ANTXR2: variants seen among roughly 807,000 people sequenced by gnomAD.
ANTXR2 encodes anthrax toxin receptor 2.
A neutral mutation model predicts 73.7 loss-of-function variants in ANTXR2; 44 were observed. That is an observed-to-expected ratio of 0.60 (90% confidence interval 0.47 to 0.77). The LOEUF is 0.77. Ranked by LOEUF, ANTXR2 falls within the 30% of genes least tolerant of loss-of-function variation. The pLI, the probability that ANTXR2 is intolerant of heterozygous loss-of-function variation, is 0.00. For missense variants in ANTXR2, 604 were observed against 592.5 expected (o/e 1.02, Z -0.20); for synonymous variants, 217 against 205.9 (o/e 1.05, Z -0.46).
intron 16 of ANTXR2, among the ~76,000 whole-genome samples, chr4:79,924,604 GTTC>G (rs1388088086): frequency 9.2e-5 from 14 of 152,222 alleles, no homozygotes; most frequent in African/African-American, 2.6e-4. Flanking sequence ...TATCAGAGTT[GTTC>G]TTCTTTTGGC....
In ANTXR2 at chr4:80,035,976, C is replaced by A. The variant is rs753430160; in HGVS notation, c.693G>T (p.Val231=). The A allele has an allele frequency of 6.5e-6, 10 of 1,543,024 alleles. No individual in the cohort carries two copies. The highest frequency in any genetic ancestry group is 8.7e-6 in the Non-Finnish European group (10 of 1,144,962). ...TTTTAAATTCTAAACACTTACCCCC[C>A]ACACAGACACTTGAGGGCTGCAATT... ...ILELQPSSVC[V]GEEFQIVLSG... Residue 231 remains valine (V), a synonymous_variant, in exon 8 of 17, where the codon GTG becomes GTT. Coordinates refer to ENST00000403729, the MANE Select transcript of ANTXR2 (RefSeq NM_058172.6).
At chr4:80,020,664 C>G (rs1185761717) in intron 10 of ANTXR2, among the ~76,000 whole-genome samples, 3 of 152,110 alleles carry the variant, frequency 2.0e-5, no homozygotes, top group African/African-American at 7.2e-5. Flanking sequence ...TCCATCATAT[C>G]AGAGAGGCTT....
At chr4:79,947,259 GA>G (rs1728549090) in intron 16 of ANTXR2, among the ~76,000 whole-genome samples, 2 of 152,052 alleles carry the variant, frequency 1.3e-5, no homozygotes, top group African/African-American at 4.8e-5. Flanking sequence ...ATATGAAATT[GA>G]AAGAAAAAAG....
intron 7 of ANTXR2, among the ~76,000 whole-genome samples, chr4:80,046,520 A>G (rs1416697434): frequency 6.6e-6 from 1 of 151,780 alleles, no homozygotes; most frequent in East Asian, 1.9e-4. Context: ...AAACTTGTTC[A>G]TGGTATAATT....
intron 14 of ANTXR2, among the ~76,000 whole-genome samples, chr4:79,980,159 T>C (rs1455104691): frequency 2.6e-5 from 4 of 152,190 alleles, no homozygotes; most frequent in African/African-American, 9.6e-5. Flanking sequence ...TTGAGAAATA[T>C]AGTTGCTGAG....
intron 12 of ANTXR2, among the ~76,000 whole-genome samples, chr4:79,993,760 G>GCACACACACACACACACACACA (rs1553931141): frequency 2.8e-5 from 4 of 140,658 alleles, no homozygotes; most frequent in African/African-American, 1.0e-4. Context: ...ACACACACAC[G>GCACACACACACACACACACACA]CACACACACA....
intron 12 of ANTXR2, among the ~76,000 whole-genome samples, chr4:79,987,345 G>T (rs1730222634): frequency 6.6e-6 from 1 of 151,360 alleles, no homozygotes; most frequent in East Asian, 1.9e-4. Flanking sequence ...GCAATCGGAA[G>T]CATTAATTAC....
chr4:79,956,139 T>C (rs1728877500), intron 16 of ANTXR2, among the ~76,000 whole-genome samples: 1 of 152,212 alleles, frequency 6.6e-6, no homozygotes, highest in Non-Finnish European at 1.5e-5. Flanking sequence ...CTGTAGAATT[T>C]ATTGCCACTT....
intron 16 of ANTXR2, among the ~76,000 whole-genome samples, chr4:79,961,089 T>C (rs1729123410): frequency 1.3e-5 from 2 of 152,034 alleles, no homozygotes; most frequent in African/African-American, 4.8e-5. Context: ...TAACAAACTG[T>C]CTACAAAAAA....
Position 80,033,494 on chromosome 4 carries a change from A to G in ANTXR2, c.774T>C (p.Thr258=). ...TACTCGTTGTATATGTTTCATTTAC[A>G]GTGTAAGTGCAGAGAACACTGCCAT... The part of the protein sequence containing the change: ...SRNGSVLCTY[T]VNETYTTSVK... Residue 258 remains threonine (T), a synonymous_variant, in exon 9 of 17, where the codon ACT becomes ACC. Transcript: ENST00000403729. 1 of 1,599,378 alleles carries G rather than the reference A, an allele frequency of 6.3e-7. No homozygotes were observed. Among genetic ancestry groups the G allele is most frequent in the Non-Finnish European group, 8.5e-7 (1 of 1,174,300 alleles).
At chr4:80,072,360 T>A in intron 1 of ANTXR2, 49 bp downstream of exon 1, 1 of 1,516,886 alleles carries the variant, frequency 6.6e-7, no homozygotes, top group South Asian at 1.3e-5. Context: ...CCCCAGCTGA[T>A]CCAGTGCCGC....
intron 3 of ANTXR2, among the ~76,000 whole-genome samples, chr4:80,067,590 G>A (rs17509683): frequency 0.37 from 55,970 of 152,078 alleles, 11,052 homozygotes; most frequent in Middle Eastern, 0.52. Context: ...GGGCAATGGA[G>A]AAAATTTATT....
chr4:79,977,608 C>T lies in ANTXR2; in HGVS notation c.1428+13G>A. On this transcript the variant is annotated intron_variant, in intron 16 of 16. Transcript: ENST00000403729. ...GCAGTTAGCTCTTTCTCAATACATT[C>T]CCATATACAAACCTCATCTCCTTCC... 6.4e-7 allele frequency: 1 copy of T among 1,565,910 alleles called. No individual in the cohort carries two copies. The highest frequency in any genetic ancestry group is 2.3e-5 in the East Asian group (1 of 42,612).
intron 16 of ANTXR2, among the ~76,000 whole-genome samples, chr4:79,958,992 G>T (rs1173697426): frequency 6.6e-6 from 1 of 151,612 alleles, no homozygotes; most frequent in Non-Finnish European, 1.5e-5. Context: ...TCCGATCATT[G>T]AAAATTTTTC....
intron 16 of ANTXR2, among the ~76,000 whole-genome samples, chr4:79,934,543 A>AAC (rs1491135317): frequency 2.3e-4 from 15 of 66,124 alleles, no homozygotes; most frequent in Middle Eastern, 6.1e-3. Context: ...CAACAACAAC[A>AAC]AAAAAAAAAA....
At chr4:80,051,782 T>C (rs1177129596) in intron 7 of ANTXR2, among the ~76,000 whole-genome samples, 1 of 151,676 alleles carries the variant, frequency 6.6e-6, no homozygotes, top group Admixed American at 6.6e-5. Flanking sequence ...ACAGTGTTTC[T>C]TCTTTTTTTT....
intron 7 of ANTXR2, among the ~76,000 whole-genome samples, chr4:80,048,964 T>G (rs1043976658): frequency 2.0e-5 from 3 of 151,766 alleles, no homozygotes; most frequent in African/African-American, 7.2e-5. Context: ...GTTCCCTTCC[T>G]ATTTATGCTT....
intron 12 of ANTXR2, among the ~76,000 whole-genome samples, chr4:79,988,411 T>C (rs1730301596): frequency 1.3e-5 from 2 of 151,492 alleles, no homozygotes; most frequent in African/African-American, 4.9e-5. Flanking sequence ...CAAAGAGCAT[T>C]GCATAATGAT....
chr4:79,913,937 G>C (rs1727246348), intron 16 of ANTXR2, among the ~76,000 whole-genome samples: 1 of 152,138 alleles, frequency 6.6e-6, no homozygotes, highest in Non-Finnish European at 1.5e-5. Flanking sequence ...ATAACTAATA[G>C]TCCAGATATT....
Sources: gnomAD v4.1 joint callset for allele counts (sites outside exome capture counted in the v4.1 genomes callset) on GRCh38, gnomAD v4.1.1 for gene constraint, MANE v1.5 for transcripts, NCBI Gene and HGNC (gene_info 2026-07-23, HGNC 2026-07-21) for gene names.